CYP2U1: variants seen among roughly 807,000 people sequenced by gnomAD.
The protein encoded by CYP2U1 is cytochrome P450 2U1.
In CYP2U1, 28 loss-of-function variants were observed where a neutral mutation model predicts 42.8. The ratio of observed to expected loss-of-function variants is 0.65; its 90% CI spans 0.48 to 0.90. The LOEUF (loss-of-function observed/expected upper bound fraction) is 0.90, where lower values mean the gene tolerates loss of function less well. Among genes scored for constraint, CYP2U1 ranks in the 40% least tolerant of loss-of-function variants. The pLI is 0.00. For missense variants in CYP2U1, 642 were observed against 693.8 expected (o/e 0.93, Z 0.84); for synonymous variants, 296 against 278.9 (o/e 1.06, Z -0.61).
At chr4:107,932,734 A>G (rs188940956) in intron 1 of CYP2U1, among the ~76,000 whole-genome samples, 9 of 152,240 alleles carry the variant, frequency 5.9e-5, no homozygotes, top group African/African-American at 1.9e-4. Context: ...ACCTGTCTCT[A>G]CCGTCCCCCT....
intron 1 of CYP2U1, among the ~76,000 whole-genome samples, chr4:107,932,401 G>A (rs188140294): frequency 6.6e-6 from 1 of 152,188 alleles, no homozygotes; most frequent in Non-Finnish European, 1.5e-5. Flanking sequence ...AGAGTAATAG[G>A]GATGGCGGAA....
intron 1 of CYP2U1, 21 bp downstream of exon 1, chr4:107,932,154 T>C: frequency 6.3e-7 from 1 of 1,593,602 alleles, no homozygotes; most frequent in Non-Finnish European, 8.5e-7. Context: ...GGTCGTGGGC[T>C]GTGGGTACGC....
intron 1 of CYP2U1, among the ~76,000 whole-genome samples, chr4:107,933,216 TCA>T (rs1451859932): frequency 6.6e-6 from 1 of 152,212 alleles, no homozygotes; most frequent in Non-Finnish European, 1.5e-5. Flanking sequence ...ACAGAAAGTC[TCA>T]GTTTTGCAAG....
chr4:107,950,309 A>G lies in CYP2U1; in HGVS notation c.1521A>G (p.Leu507=). The part of the protein sequence containing the change: ...KMELFLMFVS[L]MQSFAFALPE... Reference sequence around the variant, plus strand: ...AATTATTCCTAATGTTTGTGAGCCTAATGCAGAGTTTCGCATTTGCTTTAC... The same window carrying G: ...AATTATTCCTAATGTTTGTGAGCCTGATGCAGAGTTTCGCATTTGCTTTAC... The change falls in exon 5 of 5, where the codon CTA becomes CTG. Residue 507 remains leucine, a synonymous_variant. Transcript: ENST00000332884. 4 of 1,614,098 alleles carry G rather than the reference A, an allele frequency of 2.5e-6. No homozygotes were observed. The highest frequency in any genetic ancestry group is 3.4e-6 in the Non-Finnish European group (4 of 1,180,006).
At chr4:107,949,714 G>A (rs1256747605) in intron 4 of CYP2U1, among the ~76,000 whole-genome samples, 197 bp downstream of exon 4, 1 of 152,142 alleles carries the variant, frequency 6.6e-6, no homozygotes, top group African/African-American at 2.4e-5. Context: ...ATCTCTAAAT[G>A]TGACTAGAAA....
At chr4:107,949,564 C>A in intron 4 of CYP2U1, 47 bp downstream of exon 4, 3 of 1,335,814 alleles carry the variant, frequency 2.2e-6, no homozygotes, top group South Asian at 1.9e-5. Flanking sequence ...AGAAGTAGAA[C>A]TAAAATAATA....
intron 2 of CYP2U1, among the ~76,000 whole-genome samples, chr4:107,945,830 G>A (rs117910291): frequency 5.3e-5 from 8 of 152,306 alleles, no homozygotes; most frequent in East Asian, 3.9e-4. Context: ...ATCTCTACGC[G>A]TCTGATTCTA....
chr4:107,931,578 T>C lies in CYP2U1; in HGVS notation c.-66T>C. 8.2e-7 allele frequency: 1 copy of C among 1,218,396 alleles called. No homozygotes were observed. Among genetic ancestry groups the C allele is most frequent in the Non-Finnish European group, 1.0e-6 (1 of 979,024 alleles). 75.5% of individuals were successfully genotyped at this position (1,218,396 alleles called of 1,614,324 possible). On this transcript the variant is annotated 5_prime_UTR_variant, in exon 1 of 5. Transcript: ENST00000332884. ...CAGAGCAGGACACTGGCGCCGCGGG[T>C]CAGGCAGCTGCGTGCGCGTCTCCTC...
Position 107,949,405 on chromosome 4 carries a change from A to G in CYP2U1, c.1344A>G (p.Ser448=). 6.2e-7 allele frequency: 1 copy of G among 1,605,406 alleles called. No homozygotes were observed. The highest frequency in any genetic ancestry group is 8.5e-7 in the Non-Finnish European group (1 of 1,175,604). Residue 448 remains serine, a synonymous_variant, in exon 4 of 5, where the codon TCA becomes TCG. Coordinates refer to ENST00000332884, the MANE Select transcript of CYP2U1 (RefSeq NM_183075.3). ...CATTGATCTTACCCAACCTGTGGTC[A>G]GTACATAGAGACCCAGCCATTTGGG... ...KGTLILPNLW[S]VHRDPAIWEK... is the part of the protein sequence containing the mutation.
rs1560706391 is a variant in CYP2U1 at position 107,952,998 on chromosome 4, G to A, written c.*2575G>A. 6.6e-6 allele frequency: 1 copy of A among 152,174 alleles called. No homozygotes were observed. Among genetic ancestry groups the A allele is most frequent in the Non-Finnish European group, 1.5e-5 (1 of 68,030 alleles). The allele number at this position is 152,174 out of a possible 1,614,324, so 9.4% of individuals were successfully genotyped here. On this transcript the variant is annotated 3_prime_UTR_variant, in exon 5 of 5. Transcript: ENST00000332884. The stretch of plus-strand genomic sequence containing the variant: ...GAACTGAGTGGATGGGGTAGCTGCT[G>A]TATAGATTTTTAGATGAGATGATAC...
rs1386558558 is a variant in CYP2U1 at position 107,951,728 on chromosome 4, G to A, written c.*1305G>A. 6.6e-6 allele frequency: 1 copy of A among 152,234 alleles called. No individual in the cohort carries two copies. The highest frequency in any genetic ancestry group is 1.5e-5 in the Non-Finnish European group (1 of 68,080). The allele number at this position is 152,234 out of a possible 1,614,324, so 9.4% of individuals were successfully genotyped here. A position where few individuals can be genotyped will look rare whatever the true frequency, so the allele number is the denominator to read the frequency against. On this transcript the variant is annotated 3_prime_UTR_variant, in exon 5 of 5. Coordinates refer to ENST00000332884, the MANE Select transcript of CYP2U1 (RefSeq NM_183075.3). ...CTTTTATTCTCCCACAGTGCTCCAT[G>A]TACAGAAGTAAGCATAGCAGTCATA...
chr4:107,946,845 TG>T (rs1474450673), intron 2 of CYP2U1, among the ~76,000 whole-genome samples: 1 of 151,602 alleles, frequency 6.6e-6, no homozygotes, highest in Non-Finnish European at 1.5e-5. Flanking sequence ...CTTCACTTGG[TG>T]GCTTCCTTCC....
Position 107,931,647 on chromosome 4 carries a change from T to G in CYP2U1, c.4T>G (p.Ser2Ala). Residue 2 changes from serine (S) to alanine (A), a missense_variant, in exon 1 of 5, where the codon TCG (serine) becomes GCG (alanine). Physicochemically the swap from Ser to Ala is moderately conservative, Grantham distance 99. Coordinates refer to ENST00000332884, the MANE Select transcript of CYP2U1 (RefSeq NM_183075.3). ...CGAGGCCGCCGGCGCCCGGACCATGTCGTCTCCGGGGCCGTCGCAGCCGCC... is the reference window on the plus strand; with the variant it reads ...CGAGGCCGCCGGCGCCCGGACCATGGCGTCTCCGGGGCCGTCGCAGCCGCC... M[S>A]SPGPSQPPAE... The G allele has an allele frequency of 8.0e-7, 1 of 1,256,022 alleles. No individual in the cohort carries two copies. Among genetic ancestry groups the G allele is most frequent in the Non-Finnish European group, 1.0e-6 (1 of 1,004,368 alleles). 77.8% of individuals were successfully genotyped at this position (1,256,022 alleles called of 1,614,324 possible).
At chr4:107,944,019 T>C (rs2126198153) in intron 1 of CYP2U1, among the ~76,000 whole-genome samples, 1 of 152,344 alleles carries the variant, frequency 6.6e-6, no homozygotes, top group Non-Finnish European at 1.5e-5. Context: ...AAATCAGGGC[T>C]GCTGCCGACA....
At chr4:107,932,749 C>A (rs1345430439) in intron 1 of CYP2U1, among the ~76,000 whole-genome samples, 1 of 152,196 alleles carries the variant, frequency 6.6e-6, no homozygotes, top group Admixed American at 6.5e-5. Context: ...CCCCCTTTGT[C>A]TTACTGGCTG....
At chr4:107,949,285 A>T (rs778626490) in intron 3 of CYP2U1, 65 bp from the exon 4 acceptor site, 36 of 1,347,638 alleles carry the variant, frequency 2.7e-5, no homozygotes, top group Non-Finnish European at 3.4e-5. Context: ...TCAGATAATG[A>T]TGTTCAGGGA....
chr4:107,941,512 A>G (rs1177303674), intron 1 of CYP2U1, among the ~76,000 whole-genome samples: 21 of 152,142 alleles, frequency 1.4e-4, no homozygotes, highest in Non-Finnish European at 2.2e-4. Flanking sequence ...TAGAAATTTC[A>G]TTGGCCACAT....
Position 107,932,061 on chromosome 4 carries a change from C to T in CYP2U1, c.418C>T (p.Leu140=). 6.3e-7 allele frequency: 1 copy of T among 1,588,104 alleles called. No homozygotes were observed. Among genetic ancestry groups the T allele is most frequent in the South Asian group, 1.1e-5 (1 of 87,148 alleles). Residue 140 remains leucine (L), a synonymous_variant, in exon 1 of 5, where the codon CTG becomes TTG. Coordinates refer to ENST00000332884, the MANE Select transcript of CYP2U1 (RefSeq NM_183075.3). ...CGACTTCCACAGCGTGCGCGAGGCG[C>T]TGGTGCAGCAGGCCGAGGTCTTCAG... ...LSDFHSVREA[L]VQQAEVFSDR... is the part of the protein sequence containing the mutation.
At position 107,949,463 on chromosome 4, in the gene CYP2U1, C is replaced by A; in HGVS notation, c.1402C>A (p.Leu468Met). 6.2e-7 allele frequency: 1 copy of A among 1,609,708 alleles called. No individual in the cohort carries two copies. The highest frequency in any genetic ancestry group is 8.5e-7 in the Non-Finnish European group (1 of 1,177,500). ...KPEDFYPNRFLDDQGQLIKKE... is the reference protein window; with the variant it reads ...KPEDFYPNRFMDDQGQLIKKE... ...GGAGGATTTCTACCCTAATCGATTT[C>A]TGGATGACCAAGGACAACTAATTAA... Residue 468 changes from leucine (L) to methionine (M), a missense_variant, in exon 4 of 5, where the codon CTG (leucine) becomes ATG (methionine). Transcript: ENST00000332884.
Sources: allele counts gnomAD v4.1 joint callset (sites outside exome capture counted in the v4.1 genomes callset), GRCh38; gene constraint gnomAD v4.1.1; transcripts MANE v1.5; gene names NCBI Gene and HGNC (gene_info 2026-07-23, HGNC 2026-07-21).